The following PLXNA3 variants were observed in gnomAD, a reference collection of about 807,000 sequenced individuals.
PLXNA3 encodes plexin-A3.
A neutral mutation model predicts 118.8 loss-of-function variants in PLXNA3; 52 were observed. The observed-to-expected ratio is 0.44, with a 90% CI of 0.35 to 0.55. The LOEUF (loss-of-function observed/expected upper bound fraction) is 0.55, where lower values mean the gene tolerates loss of function less well. Among genes scored for constraint, PLXNA3 ranks in the 20% least tolerant of loss-of-function variants. The probability of loss-of-function intolerance (pLI) is 0.01; values close to 1 mark genes in which losing one functional copy is unlikely to be tolerated. For synonymous variants in PLXNA3, 925 were observed against 762.4 expected, an observed-to-expected ratio of 1.21 and a Z score of -3.51; for missense variants, 1,660 against 1,730.8, an observed-to-expected ratio of 0.96 and a Z score of 0.73.
rs1334078533 is a variant in PLXNA3, at chrX:154,474,678, T to G, written c.*1993T>G. ...ATTTTTAGTAGAGACGGGGTTTTAC[T>G]GTGTTAGCCAGGATGGTCTCGATCT... On this transcript the variant is annotated 3_prime_UTR_variant, in exon 33 of 33. Transcript: ENST00000369682. The G allele has an allele frequency of 2.8e-5, 3 of 106,039 alleles. No individual in the cohort carries two copies. The highest frequency in any genetic ancestry group is 1.0e-4 in the African/African-American group (3 of 29,048). The allele number at this position is 106,039 out of a possible 1,213,427, so 8.7% of individuals were successfully genotyped here. A position where few individuals can be genotyped will look rare whatever the true frequency, so the allele number is the denominator to read the frequency against.
Position 154,472,583 on chromosome X carries a change from C to T in PLXNA3, c.5521-7C>T, listed in dbSNP as rs1362648890. 42 of 1,185,737 alleles carry T rather than the reference C, an allele frequency of 3.5e-5. No homozygotes were observed. Among genetic ancestry groups the T allele is most frequent in the Non-Finnish European group, 3.9e-5 (34 of 873,348 alleles). On this transcript the variant is annotated splice_region_variant and splice_polypyrimidine_tract_variant and intron_variant, in intron 32 of 32. Transcript: ENST00000369682. ...GAGCCCAGCTCCAGGGGACTCCTCT[C>T]CCCCAGATTCTCACGGCTCTGGACC...
Position 154,464,218 on chromosome X carries a change from C to T in PLXNA3, c.1733C>T (p.Ala578Val), listed in dbSNP as rs142270837. 934 of 1,207,172 alleles carry T rather than the reference C, an allele frequency of 7.7e-4. No homozygotes were observed. The highest frequency in any genetic ancestry group is 9.8e-4 in the Non-Finnish European group (876 of 894,049). The change falls in exon 8 of 33, where the codon GCG becomes GTG. Residue 578 changes from alanine (A) to valine (V), a missense_variant. Transcript: ENST00000369682. ...LSAGVSCAFE[A>V]AAENEAVLLP... Reference sequence around the variant, plus strand: ...GCGGGCGTGAGCTGCGCCTTCGAGGCGGCGGCGGAGAACGAGGCGGTCCTG... The same window carrying T: ...GCGGGCGTGAGCTGCGCCTTCGAGGTGGCGGCGGAGAACGAGGCGGTCCTG...
At chrX:154,466,544 G>A in intron 16 of PLXNA3, 32 bp downstream of exon 16, 1 of 1,196,802 alleles carries the variant, frequency 8.4e-7, no homozygotes, top group Non-Finnish European at 1.1e-6. Context: ...TTTGGGTTGG[G>A]CATCGTGTGG....
rs1557203528 is a variant in PLXNA3, at chrX:154,460,531, G to T, written c.348G>T (p.Trp116Cys). The T allele has an allele frequency of 8.3e-7, 1 of 1,210,200 alleles. No individual in the cohort carries two copies. Among genetic ancestry groups the T allele is most frequent in the African/African-American group, 1.7e-5 (1 of 57,974 alleles). Residue 116 changes from tryptophan to cysteine, a missense_variant, in exon 2 of 33, where the codon TGG becomes TGT. Coordinates refer to ENST00000369682, the MANE Select transcript of PLXNA3 (RefSeq NM_017514.5). ...ARRLVACGSI[W>C]QGICQFLRLD... ...GCCTGGTGGCCTGCGGCAGCATCTG[G>T]CAGGGCATCTGCCAGTTCCTGCGTC...
chrX:154,468,709 C>T lies in PLXNA3; in HGVS notation c.4267C>T (p.Leu1423=). ...EKMLTNWFTF[L]LHKFLKECAG... ...GATGCTTACCAACTGGTTCACGTTC[C>T]TGCTGCATAAGTTTCTGAAGGTGCG... The change falls in exon 24 of 33, where the codon CTG becomes TTG. Residue 1423 remains leucine, a synonymous_variant. Transcript: ENST00000369682. The T allele has an allele frequency of 4.1e-6, 5 of 1,211,818 alleles. No homozygotes were observed. The highest frequency in any genetic ancestry group is 5.6e-6 in the Non-Finnish European group (5 of 895,579).
rs1557208552 is a variant in PLXNA3 at position 154,469,229 on chromosome X, C to T, written c.4594+14C>T. ...ACATGGACCTGGGTGAGGTCCCCAC[C>T]CTCTCCTCCTGGCTCCCACTCATAC... On this transcript the variant is annotated intron_variant, in intron 26 of 32. Coordinates refer to ENST00000369682, the MANE Select transcript of PLXNA3 (RefSeq NM_017514.5). 2 of 1,204,564 alleles carry T rather than the reference C, an allele frequency of 1.7e-6. No individual in the cohort carries two copies. The highest frequency in any genetic ancestry group is 3.5e-5 in the South Asian group (2 of 56,381).
At position 154,466,697 on chromosome X, in the gene PLXNA3, C is replaced by T. The variant is rs1557207257; in HGVS notation, c.3011C>T (p.Ala1004Val). The T allele has an allele frequency of 8.3e-7, 1 of 1,200,759 alleles. No homozygotes were observed. Among genetic ancestry groups the T allele is most frequent in the Admixed American group, 2.2e-5 (1 of 44,929 alleles). The change falls in exon 17 of 33, where the codon GCC (alanine) becomes GTC (valine). Residue 1004 changes from alanine (A) to valine (V), a missense_variant. Coordinates refer to ENST00000369682, the MANE Select transcript of PLXNA3 (RefSeq NM_017514.5). ...LGPSQAPITL[A>V]IDRANISSPG... The stretch of plus-strand genomic sequence containing the variant: ...CCCAGCCAGGCCCCCATCACACTTG[C>T]CATTGACCGGGCTAACATCTCCAGC...
At position 154,474,971 on chromosome X, in the gene PLXNA3, T is replaced by C. The variant is rs1196324916; in HGVS notation, c.*2286T>C. 1.0e-5 allele frequency: 1 copy of C among 99,737 alleles called. No homozygotes were observed. The highest frequency in any genetic ancestry group is 2.1e-5 in the Non-Finnish European group (1 of 48,682). 8.2% of individuals were successfully genotyped at this position (99,737 alleles called of 1,213,427 possible). On this transcript the variant is annotated 3_prime_UTR_variant, in exon 33 of 33. Coordinates refer to ENST00000369682, the MANE Select transcript of PLXNA3 (RefSeq NM_017514.5). ...CCCAGCTGTTTTTTGTTTTTTTTTTTTTTCTTTAGTAGAGATGGAGTCTTG... is the reference window on the plus strand; with the variant it reads ...CCCAGCTGTTTTTTGTTTTTTTTTTCTTTCTTTAGTAGAGATGGAGTCTTG...
chrX:154,467,853 G>T lies in PLXNA3; in HGVS notation c.3672G>T (p.Leu1224=). Residue 1224 remains leucine (L), a synonymous_variant, in exon 21 of 33, where the codon CTG becomes CTT. Coordinates refer to ENST00000369682, the MANE Select transcript of PLXNA3 (RefSeq NM_017514.5). The part of the protein sequence containing the change: ...RALTLPAMMG[L]AAGGGLLLLA... ...TGACCCTACCGGCCATGATGGGGCTGGCGGCGGGGGGTGGGCTCCTGCTGC... is the reference window on the plus strand; with the variant it reads ...TGACCCTACCGGCCATGATGGGGCTTGCGGCGGGGGGTGGGCTCCTGCTGC... 1 of 1,207,557 alleles carries T rather than the reference G, an allele frequency of 8.3e-7. No individual in the cohort carries two copies.
chrX:154,460,924 A>T, intron 2 of PLXNA3, 147 bp downstream of exon 2: 1 of 612,015 alleles, frequency 1.6e-6, no homozygotes, highest in Non-Finnish European at 2.5e-6. Context: ...GCCTGAACCC[A>T]GGTTGCGGGG....
Position 154,465,749 on chromosome X carries a change from C to G in PLXNA3, c.2434C>G (p.His812Asp). The part of the protein sequence containing the change: ...RFNCGWCISE[H>D]RCQLRTHCPA... Reference sequence around the variant, plus strand: ...CAACTGTGGCTGGTGCATCTCAGAGCACAGGTGCCAGCTGCGGACCCACTG... The same window carrying G: ...CAACTGTGGCTGGTGCATCTCAGAGGACAGGTGCCAGCTGCGGACCCACTG... Residue 812 changes from histidine to aspartate, a missense_variant, in exon 13 of 33, where the codon CAC becomes GAC. Transcript: ENST00000369682. 9 of 1,210,173 alleles carry G rather than the reference C, an allele frequency of 7.4e-6. No individual in the cohort carries two copies. The highest frequency in any genetic ancestry group is 1.0e-5 in the Non-Finnish European group (9 of 894,799).
At position 154,466,407 on chromosome X, in the gene PLXNA3, G is replaced by A. The variant is rs1193337165; in HGVS notation, c.2831G>A (p.Arg944His). ...TPTFDQVSPSRGPASGGTRLT... is the reference protein window; with the variant it reads ...TPTFDQVSPSHGPASGGTRLT... ...ACGTTTGACCAAGTGAGTCCCAGCCGTGGCCCGGCGTCCGGGGGCACACGG... is the reference window on the plus strand; with the variant it reads ...ACGTTTGACCAAGTGAGTCCCAGCCATGGCCCGGCGTCCGGGGGCACACGG... Residue 944 changes from arginine to histidine, a missense_variant, in exon 16 of 33, where the codon CGT (arginine) becomes CAT (histidine). Transcript: ENST00000369682. The A allele has an allele frequency of 3.3e-6, 4 of 1,211,258 alleles. No individual in the cohort carries two copies. The highest frequency in any genetic ancestry group is 4.5e-6 in the Non-Finnish European group (4 of 895,396).
Position 154,468,675 on chromosome X carries a change from G to A in PLXNA3, c.4233G>A (p.Val1411=). The stretch of plus-strand genomic sequence containing the variant: ...TCTCTTGCCCTAGGACAGAGTCAGT[G>A]GCTGAGAAGATGCTTACCAACTGGT... ...PKLLLRRTES[V]AEKMLTNWFT... Residue 1411 remains valine, a synonymous_variant, in exon 24 of 33, where the codon GTG becomes GTA. Coordinates refer to ENST00000369682, the MANE Select transcript of PLXNA3 (RefSeq NM_017514.5). 1 of 1,211,812 alleles carries A rather than the reference G, an allele frequency of 8.3e-7. No homozygotes were observed. Among genetic ancestry groups the A allele is most frequent in the South Asian group, 1.8e-5 (1 of 57,034 alleles).
rs1278668723 is a variant in PLXNA3 at position 154,477,698 on chromosome X, GA to G, written c.*5015del. The G allele has an allele frequency of 4.7e-4, 114 of 242,179 alleles. 1 individual carries two copies. Among genetic ancestry groups the G allele is most frequent in the African/African-American group, 3.7e-3 (105 of 28,091 alleles). 20.0% of individuals were successfully genotyped at this position (242,179 alleles called of 1,213,427 possible). ...GTACTCCTTGAATATCTGAATTCTA[GA>G]ACCCCCCCCCCAGCAACCCAAGCAC... is the stretch of plus-strand genomic sequence containing the variant. On this transcript the variant is annotated 3_prime_UTR_variant, in exon 33 of 33. Transcript: ENST00000369682.
intron 32 of PLXNA3, 144 bp downstream of exon 32, chrX:154,471,782 G>C: frequency 1.9e-6 from 1 of 515,983 alleles, no homozygotes; most frequent in Non-Finnish European, 3.1e-6. Flanking sequence ...GATGCTCTCT[G>C]GGATCACAGG....
Position 154,464,501 on chromosome X carries a change from C to A in PLXNA3, c.1928C>A (p.Ser643Ter). ...TTCTACAACTGCAGCGTCCTCCAGTCGTGAGTACCTGGCCAGCACCCGTCC... is the reference window on the plus strand; with the variant it reads ...TTCTACAACTGCAGCGTCCTCCAGTAGTGAGTACCTGGCCAGCACCCGTCC... Reference protein sequence around the residue: ...FVFYNCSVLQSCMSCVGSPYP... With the variant: ...FVFYNCSVLQ Residue 643 changes from serine to a stop codon, truncating the protein, a stop_gained and splice_region_variant, in exon 9 of 33, where the codon TCG (serine) becomes TAG (stop). Transcript: ENST00000369682. LOFTEE classifies it high-confidence loss of function. 8.4e-7 allele frequency: 1 copy of A among 1,194,853 alleles called. No individual in the cohort carries two copies. The highest frequency in any genetic ancestry group is 1.8e-5 in the South Asian group (1 of 56,538).
chrX:154,462,364 C>T, intron 4 of PLXNA3, 54 bp downstream of exon 4: 2 of 801,154 alleles, frequency 2.5e-6, no homozygotes, highest in Non-Finnish European at 3.3e-6. Context: ...AGATATGGGA[C>T]AAGGCTGGTG....
In PLXNA3 at chrX:154,462,124, C is replaced by T; in HGVS notation, c.1135-4C>T. ...TCTCACGGGTTCCTCCTCTGTTTCA[C>T]CAGCCCATGCAGATCAACGGCAACT... On this transcript the variant is annotated splice_region_variant and splice_polypyrimidine_tract_variant and intron_variant, in intron 3 of 32. Transcript: ENST00000369682. The T allele has an allele frequency of 8.5e-7, 1 of 1,173,311 alleles. No individual in the cohort carries two copies. Among genetic ancestry groups the T allele is most frequent in the East Asian group, 3.1e-5 (1 of 32,278 alleles).
chrX:154,460,897 C>T (rs1041496896), intron 2 of PLXNA3, 120 bp downstream of exon 2: 77 of 644,751 alleles, frequency 1.2e-4, no homozygotes, highest in Admixed American at 3.1e-4. Flanking sequence ...AGACAGGTTG[C>T]GGAGGGTGGG....
Sources: allele counts gnomAD v4.1 joint callset, GRCh38; gene constraint gnomAD v4.1.1; transcripts MANE v1.5; gene names NCBI Gene and HGNC (gene_info 2026-07-23, HGNC 2026-07-21).